GULP1: variants seen among roughly 807,000 people sequenced by gnomAD.
GULP1 encodes PTB domain-containing engulfment adapter protein 1.
Under a neutral mutation model 40.9 loss-of-function variants are expected in GULP1, and 19 were observed. The ratio of observed to expected loss-of-function variants is 0.46; its 90% confidence interval spans 0.32 to 0.68. The LOEUF is 0.68. Among genes scored for constraint, GULP1 ranks in the 30% least tolerant of loss-of-function variants. GULP1 has a pLI of 0.03. For synonymous variants in GULP1, 119 were observed against 117.6 expected (o/e 1.01, Z -0.08); for missense variants, 312 against 362.2 (o/e 0.86, Z 1.12).
chr2:188,531,175 C>T (rs916215704), intron 6 of GULP1, among the ~76,000 whole-genome samples: 2 of 152,140 alleles, frequency 1.3e-5, no homozygotes, highest in African/African-American at 4.8e-5. Context: ...CCACTACAGA[C>T]CTACAGAATC....
At chr2:188,477,633 G>T in intron 2 of GULP1, 26 bp from the exon 3 acceptor site, 3 of 1,225,398 alleles carry the variant, frequency 2.4e-6, no homozygotes, top group Non-Finnish European at 3.5e-6. Context: ...CTTTGTTTAT[G>T]TTTTAATATT....
chr2:188,556,299 A>AT (rs931023521), intron 7 of GULP1, among the ~76,000 whole-genome samples: 2 of 152,052 alleles, frequency 1.3e-5, no homozygotes, highest in South Asian at 2.1e-4. Flanking sequence ...GATTTGAGAT[A>AT]TTTTTTTCTT....
chr2:188,567,741 T>A (rs75791530), intron 7 of GULP1, among the ~76,000 whole-genome samples: 1,708 of 152,288 alleles, frequency 0.011, 14 homozygotes, highest in South Asian at 0.051. Context: ...ATTCTGCACA[T>A]GTATCCCATT....
At chr2:188,369,290 ACAAT>A (rs2047285264) in intron 1 of GULP1, among the ~76,000 whole-genome samples, 1 of 151,928 alleles carries the variant, frequency 6.6e-6, no homozygotes, top group Non-Finnish European at 1.5e-5. Context: ...AGTGTTGTAT[ACAAT>A]CAAAGTTTTG....
chr2:188,346,836 T>G (rs1203757766), intron 1 of GULP1, among the ~76,000 whole-genome samples: 1 of 151,188 alleles, frequency 6.6e-6, no homozygotes, highest in Non-Finnish European at 1.5e-5. Context: ...CTGGGCGTGG[T>G]GGCAGGCGCC....
chr2:188,526,551 TAGAG>T (rs1686201668), intron 5 of GULP1, among the ~76,000 whole-genome samples: 1 of 152,042 alleles, frequency 6.6e-6, no homozygotes, highest in Non-Finnish European at 1.5e-5. Flanking sequence ...AAAAGGGACT[TAGAG>T]GGGAGCATGC....
rs1311545840 is a variant in GULP1, at chr2:188,327,108, T to TCTAG, written c.-172+34943_-172+34946dup. ...GTTAGCAAATAGCCTGGTGTCAGAT[T>TCTAG]CTAGATAAAGCACAAGTTTACATTT... On this transcript the variant is annotated intron_variant, in intron 1 of 11. Coordinates refer to ENST00000409830, the MANE Select transcript of GULP1 (RefSeq NM_016315.4). Among the ~76,000 whole-genome samples, 5 of 152,286 alleles carry TCTAG rather than the reference T, an allele frequency of 3.3e-5. No homozygotes were observed. In the East Asian group the frequency reaches 9.7e-4, roughly 29 times the overall value.
At chr2:188,414,709 A>G (rs1203195293) in intron 2 of GULP1, among the ~76,000 whole-genome samples, 1 of 152,220 alleles carries the variant, frequency 6.6e-6, no homozygotes, top group African/African-American at 2.4e-5. Flanking sequence ...ATTTTGCTGT[A>G]TTATGAAAAC....
At chr2:188,503,543 G>A (rs909667111) in intron 4 of GULP1, among the ~76,000 whole-genome samples, 16 of 151,708 alleles carry the variant, frequency 1.1e-4, no homozygotes, top group South Asian at 4.2e-4. Flanking sequence ...TCCCTCCCTC[G>A]ACACATGAAG....
intron 2 of GULP1, among the ~76,000 whole-genome samples, chr2:188,467,576 A>G (rs1348939841): frequency 6.6e-6 from 1 of 152,124 alleles, no homozygotes; most frequent in African/African-American, 2.4e-5. Flanking sequence ...TCAGTAATAC[A>G]TCCGTAAGCT....
chr2:188,396,366 G>A (rs1439156161), intron 2 of GULP1, among the ~76,000 whole-genome samples: 3 of 152,224 alleles, frequency 2.0e-5, no homozygotes, highest in Non-Finnish European at 2.9e-5. Flanking sequence ...CCCAGGGGCG[G>A]TTCTTTGGCT....
chr2:188,588,607 T>G (rs941605467), intron 11 of GULP1: 7 of 152,228 alleles, frequency 4.6e-5, no homozygotes, highest in African/African-American at 1.7e-4. Context: ...TATTTGCCCT[T>G]TACATTTTGG....
intron 9 of GULP1, chr2:188,582,503 C>T (rs1701524599): frequency 2.1e-6 from 1 of 471,406 alleles, no homozygotes; most frequent in Admixed American, 2.3e-5. Flanking sequence ...ACTGTTAATA[C>T]CACCACCTTC....
At chr2:188,320,391 T>C (rs1675762554) in intron 1 of GULP1, among the ~76,000 whole-genome samples, 1 of 152,188 alleles carries the variant, frequency 6.6e-6, no homozygotes, top group African/African-American at 2.4e-5. Context: ...AGTAGGTATG[T>C]ATTTGCTGCA....
chr2:188,569,202 T>C, intron 7 of GULP1, 37 bp from the exon 8 acceptor site: 1 of 1,013,184 alleles, frequency 9.9e-7, no homozygotes, highest in Non-Finnish European at 1.6e-6. Flanking sequence ...GTTTGACATA[T>C]TATTAAAATG....
rs372626247 is a variant in GULP1 at position 188,463,683 on chromosome 2, T to C, written c.-44-13976T>C. 2.7e-4 allele frequency among the ~76,000 whole-genome samples: 41 copies of C among 152,152 alleles called. 1 individual carries two copies. Among genetic ancestry groups the C allele is most frequent in the African/African-American group, 9.6e-4 (40 of 41,518 alleles). On this transcript the variant is annotated intron_variant, in intron 2 of 11. Transcript: ENST00000409830. Reference sequence around the variant, plus strand: ...TAGATGCTGTCCATGCACTTCATTGTTTTTATTTTTTTTTCTTCGTTTTTC... The same window carrying C: ...TAGATGCTGTCCATGCACTTCATTGCTTTTATTTTTTTTTCTTCGTTTTTC...
intron 2 of GULP1, among the ~76,000 whole-genome samples, chr2:188,436,509 T>G (rs909420340): frequency 1.3e-5 from 2 of 152,088 alleles, no homozygotes; most frequent in African/African-American, 4.8e-5. Flanking sequence ...TAGAAACATG[T>G]TCATGTCTCC....
chr2:188,324,872 A>G (rs180680767), intron 1 of GULP1, among the ~76,000 whole-genome samples: 26 of 152,156 alleles, frequency 1.7e-4, no homozygotes, highest in African/African-American at 6.3e-4. Context: ...GAAAGACATT[A>G]TCTACAAAGG....
At chr2:188,478,818 A>G (rs929550353) in intron 3 of GULP1, among the ~76,000 whole-genome samples, 6 of 152,232 alleles carry the variant, frequency 3.9e-5, no homozygotes, top group South Asian at 2.1e-4. Flanking sequence ...TGAATAGTCC[A>G]GAACTATGAC....
Sources: gnomAD v4.1 joint callset for allele counts (sites outside exome capture counted in the v4.1 genomes callset) on GRCh38, gnomAD v4.1.1 for gene constraint, MANE v1.5 for transcripts, NCBI Gene and HGNC (gene_info 2026-07-23, HGNC 2026-07-21) for gene names.